ATRNL1: variants seen among roughly 807,000 people sequenced by gnomAD.
The protein encoded by ATRNL1 is attractin like 1, also known as attractin-like protein 1.
ATRNL1 carries 95 observed loss-of-function variants against 182.7 expected under a neutral mutation model. The ratio of observed to expected loss-of-function variants is 0.52; its 90% confidence interval spans 0.44 to 0.62. ATRNL1 has a LOEUF of 0.62. Among genes scored for constraint, ATRNL1 ranks in the 20% least tolerant of loss-of-function variants. The pLI, the probability that ATRNL1 is intolerant of heterozygous loss-of-function variation, is 0.00. For missense variants in ATRNL1, 1,471 were observed against 1,679.5 expected, an observed-to-expected ratio of 0.88 and a Z score of 2.17; for synonymous variants, 576 against 568.3, an observed-to-expected ratio of 1.01 and a Z score of -0.19.
At chr10:115,376,669 G>T (rs920353461) in intron 19 of ATRNL1, among the ~76,000 whole-genome samples, 8 of 151,972 alleles carry the variant, frequency 5.3e-5, no homozygotes, top group Non-Finnish European at 1.0e-4. Flanking sequence ...TTTGACTTTT[G>T]ACAATTTTAT....
At chr10:115,335,839 A>AT (rs1257597485) in intron 19 of ATRNL1, among the ~76,000 whole-genome samples, 4 of 149,674 alleles carry the variant, frequency 2.7e-5, no homozygotes, top group African/African-American at 4.9e-5. Context: ...AATTTGGGGG[A>AT]TTTTTTCTGA....
chr10:115,397,022 A>G, intron 20 of ATRNL1, among the ~76,000 whole-genome samples: 1 of 151,978 alleles, frequency 6.6e-6, no homozygotes, highest in South Asian at 2.1e-4. Context: ...ATTTGTACAC[A>G]GAATTCCATT....
At chr10:115,452,787 CAG>C (rs1207157244) in intron 21 of ATRNL1, among the ~76,000 whole-genome samples, 1 of 152,038 alleles carries the variant, frequency 6.6e-6, no homozygotes, top group Non-Finnish European at 1.5e-5. Flanking sequence ...AGTAGATCAT[CAG>C]AGCTTAATCA....
chr10:115,565,605 G>T (rs560851132), intron 26 of ATRNL1, among the ~76,000 whole-genome samples: 2 of 151,978 alleles, frequency 1.3e-5, no homozygotes, highest in South Asian at 4.1e-4. Flanking sequence ...GGCTTGCTTT[G>T]GAAATTAACT....
chr10:115,682,669 T>TATGATGATGATGATGATGATG (rs144515513), intron 26 of ATRNL1, among the ~76,000 whole-genome samples: 2 of 149,958 alleles, frequency 1.3e-5, no homozygotes, highest in South Asian at 4.2e-4. Context: ...AGATAATACA[T>TATGATGATGATGATGATGATG]ATGATGATGA....
intron 27 of ATRNL1, among the ~76,000 whole-genome samples, chr10:115,808,261 T>G (rs61866710): frequency 6.6e-6 from 1 of 152,194 alleles, no homozygotes; most frequent in African/African-American, 2.4e-5. Context: ...GTTTTCATGT[T>G]GGAAATGACA....
rs114881408 is a variant in ATRNL1 at position 115,289,497 on chromosome 10, C to G, written c.2415+3100C>G. The stretch of plus-strand genomic sequence containing the variant: ...AGTTTTTTCATATGTTTTCTTCTAG[C>G]AGTTTTATTGTTTTGGGCCTTAAAT... On this transcript the variant is annotated intron_variant, in intron 15 of 28. Transcript: ENST00000355044. Among the ~76,000 whole-genome samples, 129 of 152,194 alleles carry G rather than the reference C, an allele frequency of 8.5e-4. 1 individual carries two copies. Among genetic ancestry groups the G allele is most frequent in the Non-Finnish European group, 1.0e-4 (7 of 68,006 alleles).
chr10:115,836,199 AT>A (rs1211406293), intron 27 of ATRNL1, among the ~76,000 whole-genome samples: 23 of 152,268 alleles, frequency 1.5e-4, no homozygotes, highest in Non-Finnish European at 2.6e-4. Flanking sequence ...TTGCCATGCT[AT>A]GTGATATGTA....
intron 25 of ATRNL1, among the ~76,000 whole-genome samples, chr10:115,525,654 C>T (rs534426195): frequency 3.9e-5 from 6 of 152,232 alleles, no homozygotes; most frequent in Admixed American, 3.9e-4. Context: ...ACTTTCTCTT[C>T]CATAAGCCAG....
At chr10:115,142,523 A>G (rs959735001) in intron 5 of ATRNL1, among the ~76,000 whole-genome samples, 16 of 152,204 alleles carry the variant, frequency 1.1e-4, no homozygotes, top group Non-Finnish European at 8.8e-5. Context: ...GAGCTATATC[A>G]GCTAAATATT....
At chr10:115,344,150 T>C (rs1855873078) in intron 19 of ATRNL1, among the ~76,000 whole-genome samples, 1 of 152,070 alleles carries the variant, frequency 6.6e-6, no homozygotes, top group South Asian at 2.1e-4. Flanking sequence ...TGTGTTCGCC[T>C]AAAGTCCTGG....
intron 27 of ATRNL1, among the ~76,000 whole-genome samples, chr10:115,777,201 TTC>T (rs1195783935): frequency 2.0e-5 from 3 of 152,176 alleles, no homozygotes; most frequent in Admixed American, 2.0e-4. Flanking sequence ...GCTTGAACAT[TTC>T]TTTTATGAAA....
At chr10:115,282,792 G>A (rs1188301493) in intron 14 of ATRNL1, among the ~76,000 whole-genome samples, 2 of 140,162 alleles carry the variant, frequency 1.4e-5, no homozygotes, top group South Asian at 2.4e-4. Flanking sequence ...CTTTATCCCA[G>A]GTTTTTTTTT....
At chr10:115,549,173 GT>G (rs1296808050) in intron 25 of ATRNL1, among the ~76,000 whole-genome samples, 2 of 151,898 alleles carry the variant, frequency 1.3e-5, no homozygotes, top group Non-Finnish European at 2.9e-5. Context: ...TGTGATTTCT[GT>G]TGCTTCATAA....
At chr10:115,178,143 C>T (rs570633202) in intron 8 of ATRNL1, among the ~76,000 whole-genome samples, 13 of 151,784 alleles carry the variant, frequency 8.6e-5, no homozygotes, top group East Asian at 1.9e-4. Flanking sequence ...CTCCTGAGCT[C>T]GAGTGATCTG....
chr10:115,103,113 A>G (rs950655557), intron 1 of ATRNL1, among the ~76,000 whole-genome samples: 15 of 151,058 alleles, frequency 9.9e-5, no homozygotes, highest in Admixed American at 2.6e-4. Flanking sequence ...TCTCGGCTCA[A>G]TGCAACCCCT....
intron 28 of ATRNL1, among the ~76,000 whole-genome samples, chr10:115,936,476 T>G (rs1953563393): frequency 6.6e-6 from 1 of 152,208 alleles, no homozygotes; most frequent in Non-Finnish European, 1.5e-5. Context: ...CTCAAATGAT[T>G]TTTTAATTAT....
chr10:115,307,884 GACTTTA>G (rs1354500200), intron 17 of ATRNL1, among the ~76,000 whole-genome samples: 8 of 152,036 alleles, frequency 5.3e-5, no homozygotes, highest in Non-Finnish European at 8.8e-5. Context: ...GTGTGCTTTT[GACTTTA>G]ACTTTATGAC....
In ATRNL1 at chr10:115,281,409, C is replaced by G; in HGVS notation, c.2155C>G (p.Leu719Val). ...GAGAAATGAGCAGATTTGTAACAAA[C>G]TTACCAGCTGTAAAAGCTGTTCACT... Reference protein sequence around the residue: ...HVRNEQICNKLTSCKSCSLNL... With the variant: ...HVRNEQICNKVTSCKSCSLNL... The change falls in exon 14 of 29, where the codon CTT (leucine) becomes GTT (valine). Residue 719 changes from leucine (L) to valine (V), a missense_variant. Physicochemically the swap from Leu to Val is conservative, Grantham distance 32. Transcript: ENST00000355044. 2 of 1,613,366 alleles carry G rather than the reference C, an allele frequency of 1.2e-6. No homozygotes were observed. The highest frequency in any genetic ancestry group is 1.7e-6 in the Non-Finnish European group (2 of 1,179,584).
Sources: gnomAD v4.1 joint callset for allele counts (sites outside exome capture counted in the v4.1 genomes callset) on GRCh38, gnomAD v4.1.1 for gene constraint, MANE v1.5 for transcripts, NCBI Gene and HGNC (gene_info 2026-07-23, HGNC 2026-07-21) for gene names.